Variants in CD72 observed in about 807,000 individuals in gnomAD.
CD72 encodes CD72 molecule.
Under a neutral mutation model 50.7 loss-of-function variants are expected in CD72, and 28 were observed. The observed-to-expected ratio is 0.55, with a 90% confidence interval of 0.41 to 0.76. The LOEUF (loss-of-function observed/expected upper bound fraction) is 0.76, where lower values mean the gene tolerates loss of function less well. Among genes scored for constraint, CD72 ranks in the 30% least tolerant of loss-of-function variants. The pLI, the probability that CD72 is intolerant of heterozygous loss-of-function variation, is 0.00. For synonymous variants in CD72, 176 were observed against 171.2 expected, an observed-to-expected ratio of 1.03 and a Z score of -0.22; for missense variants, 403 against 420.6, an observed-to-expected ratio of 0.96 and a Z score of 0.37.
intron 1 of CD72, among the ~76,000 whole-genome samples, chr9:35,638,489 T>A (rs1009756905): frequency 3.3e-5 from 5 of 152,032 alleles, no homozygotes; most frequent in African/African-American, 9.7e-5. Flanking sequence ...AATTTCCTCT[T>A]AGAGAAGTGG....
At chr9:35,634,850 T>C (rs1462994186) in intron 1 of CD72, among the ~76,000 whole-genome samples, 1 of 152,212 alleles carries the variant, frequency 6.6e-6, no homozygotes, top group East Asian at 1.9e-4. Flanking sequence ...GAGTCCTTAT[T>C]TAGCATATAT....
At chr9:35,646,836 G>A (rs1823398632), upstream of CD72, 1 of 152,252 alleles carries the variant, frequency 6.6e-6, no homozygotes, top group Admixed American at 6.5e-5. Context: ...AGACCCTGGG[G>A]TGGCCCCGAA....
chr9:35,627,834 T>C (rs1490822116), intron 1 of CD72, among the ~76,000 whole-genome samples: 1 of 150,956 alleles, frequency 6.6e-6, no homozygotes, highest in African/African-American at 2.4e-5. Context: ...TGTACCTCTT[T>C]TTTTTTTCTT....
At chr9:35,622,244 A>G (rs1823151418), upstream of CD72, among the ~76,000 whole-genome samples, 1 of 152,208 alleles carries the variant, frequency 6.6e-6, no homozygotes, top group South Asian at 2.1e-4. Flanking sequence ...AGGAGGGAGA[A>G]AAATGGGCCA....
At chr9:35,612,463 T>C (rs1186380666) in intron 6 of CD72, among the ~76,000 whole-genome samples, 2 of 152,052 alleles carry the variant, frequency 1.3e-5, no homozygotes, top group Non-Finnish European at 2.9e-5. Context: ...CATGTGACTG[T>C]AGTCCCAGCT....
chr9:35,618,514 C>T, upstream of CD72: 1 of 1,283,042 alleles, frequency 7.8e-7, no homozygotes, highest in Non-Finnish European at 1.1e-6. Context: ...ATCCCTGGGC[C>T]AGGGCCAGAG....
chr9:35,622,932 C>T (rs1823158931), upstream of CD72, among the ~76,000 whole-genome samples: 1 of 152,140 alleles, frequency 6.6e-6, no homozygotes, highest in Non-Finnish European at 1.5e-5. Flanking sequence ...CACAGCGAGA[C>T]TCCATCTCTA....
intron 1 of CD72, among the ~76,000 whole-genome samples, chr9:35,637,590 C>A (rs1016413606): frequency 6.6e-6 from 1 of 152,098 alleles, no homozygotes; most frequent in African/African-American, 2.4e-5. Context: ...AGTTCTTTTT[C>A]CTCTCTAGTA....
intron 1 of CD72, among the ~76,000 whole-genome samples, chr9:35,645,600 A>AC (rs1823384954): frequency 6.6e-6 from 1 of 151,246 alleles, no homozygotes. Context: ...AAAACAAACA[A>AC]AAAAAAACTT....
At chr9:35,618,189 T>G in intron 1 of CD72, 33 bp downstream of exon 1, 1 of 1,608,810 alleles carries the variant, frequency 6.2e-7, no homozygotes, top group Non-Finnish European at 8.5e-7. Context: ...GAAGTGGGGA[T>G]GCAGGATCAA....
intron 1 of CD72, among the ~76,000 whole-genome samples, chr9:35,633,899 C>A (rs1823268035): frequency 6.6e-6 from 1 of 152,192 alleles, no homozygotes; most frequent in Non-Finnish European, 1.5e-5. Flanking sequence ...TATATAGCCT[C>A]TGGTTTTTAA....
intron 5 of CD72, among the ~76,000 whole-genome samples, chr9:35,614,497 A>T (rs1823038727): frequency 6.6e-6 from 1 of 152,178 alleles, no homozygotes; most frequent in Admixed American, 6.5e-5. Context: ...GAAGATGAGG[A>T]CATCTGCTGA....
rs150490133 is a variant in CD72 at position 35,644,244 on chromosome 9, G to C, written n.408+2159C>G. 4.9e-3 allele frequency among the ~76,000 whole-genome samples: 731 copies of C among 150,668 alleles called. 4 individuals are homozygous for C. The highest frequency in any genetic ancestry group is 6.9e-3 in the Non-Finnish European group (469 of 67,798). ...GCCTGTAGTCCCAACTACTCTGGAG[G>C]CTGAGGCAGGAGAATCGCTTGAAAC... On this transcript the variant is annotated intron_variant and non_coding_transcript_variant, in intron 1 of 3. Transcript: ENST00000465754.
chr9:35,639,008 G>A (rs985937607), intron 1 of CD72, among the ~76,000 whole-genome samples: 28 of 151,676 alleles, frequency 1.8e-4, no homozygotes, highest in African/African-American at 4.4e-4. Context: ...CAGAGGGGCC[G>A]GAAGGCCGCC....
chr9:35,639,469 GA>G (rs1461411034), intron 1 of CD72, among the ~76,000 whole-genome samples: 2 of 152,150 alleles, frequency 1.3e-5, no homozygotes, highest in Non-Finnish European at 2.9e-5. Context: ...AAAATGAAAG[GA>G]AAAGTAGAAA....
chr9:35,631,451 G>A (rs1342175437), intron 1 of CD72, among the ~76,000 whole-genome samples: 2 of 152,028 alleles, frequency 1.3e-5, no homozygotes, highest in Non-Finnish European at 2.9e-5. Context: ...TTGCTTTTAG[G>A]TTTTAGTAAC....
At chr9:35,626,916 A>G (rs928915928) in intron 1 of CD72, among the ~76,000 whole-genome samples, 3 of 149,368 alleles carry the variant, frequency 2.0e-5, no homozygotes, top group African/African-American at 7.5e-5. Flanking sequence ...CAGTGGCACA[A>G]TGTCAGCTCA....
rs548350324 is a variant in CD72, at chr9:35,611,631, T to C, written c.950+173A>G. ...TTCTAGGTGGAAATAGAATGGAGAA[T>C]AAGATTGCCCTAAGAAGTTATTAAT... On this transcript the variant is annotated intron_variant, in intron 7 of 8. Coordinates refer to ENST00000259633, the MANE Select transcript of CD72 (RefSeq NM_001782.3). Among the ~76,000 whole-genome samples the C allele has an allele frequency of 2.0e-5, 3 of 152,258 alleles. No homozygotes were observed. The East Asian group carries it at 5.8e-4, about 29-fold the overall frequency.
chr9:35,618,573 G>A, upstream of CD72: 2 of 748,254 alleles, frequency 2.7e-6, no homozygotes, highest in Non-Finnish European at 4.3e-6. Context: ...TAGGGGATGG[G>A]CCTGTCCCCA....
Sources: gnomAD v4.1 joint callset for allele counts (sites outside exome capture counted in the v4.1 genomes callset) on GRCh38, gnomAD v4.1.1 for gene constraint, MANE v1.5 for transcripts, NCBI Gene and HGNC (gene_info 2026-07-23, HGNC 2026-07-21) for gene names.